The following SLC16A1 variants were observed in gnomAD, a reference collection of about 807,000 sequenced individuals.
SLC16A1 encodes the protein monocarboxylate transporter 1.
SLC16A1 carries 11 observed loss-of-function variants against 32.2 expected under a neutral mutation model. The ratio of observed to expected loss-of-function variants is 0.34; its 90% CI spans 0.21 to 0.56. The LOEUF (loss-of-function observed/expected upper bound fraction) is 0.56, where lower values mean the gene tolerates loss of function less well. Among genes scored for constraint, SLC16A1 ranks in the 20% least tolerant of loss-of-function variants. The pLI, the probability that SLC16A1 is intolerant of heterozygous loss-of-function variation, is 0.87. For missense variants in SLC16A1, 435 were observed against 615.0 expected (o/e 0.71, Z 3.10); for synonymous variants, 231 against 226.8 (o/e 1.02, Z -0.17).
chr1:112,919,008 T>C (rs1648615378), intron 3 of SLC16A1, among the ~76,000 whole-genome samples: 1 of 142,152 alleles, frequency 7.0e-6, no homozygotes, highest in Non-Finnish European at 1.5e-5. Context: ...ATGTACTAAT[T>C]TATTTTATTT....
intron 4 of SLC16A1, among the ~76,000 whole-genome samples, chr1:112,916,453 G>GC (rs1211658750): frequency 9.4e-5 from 13 of 138,722 alleles, no homozygotes; most frequent in African/African-American, 3.0e-4. Context: ...AGCCGAGATC[G>GC]CGCCATTGCA....
At chr1:112,947,935 T>A (rs898532710) in intron 1 of SLC16A1, among the ~76,000 whole-genome samples, 12 of 152,074 alleles carry the variant, frequency 7.9e-5, no homozygotes, top group Admixed American at 4.6e-4. Flanking sequence ...AGGAGAAAAA[T>A]TTGCTGGGTG....
Position 112,917,172 on chromosome 1 carries a change from C to G in SLC16A1, c.1228+6G>C. The G allele has an allele frequency of 6.2e-7, 1 of 1,614,136 alleles. No homozygotes were observed. The highest frequency in any genetic ancestry group is 8.5e-7 in the Non-Finnish European group (1 of 1,180,014). The stretch of plus-strand genomic sequence containing the variant: ...AGACCCACATTAGTAGGGAGATATA[C>G]TATACCTAAAAGTGGTGGCCCCAGG... On this transcript the variant is annotated splice_donor_region_variant and intron_variant, in intron 4 of 4. Coordinates refer to ENST00000369626, the MANE Select transcript of SLC16A1 (RefSeq NM_003051.4). The surrounding 1 kb of genome is among the most constrained non-coding windows in gnomAD (Gnocchi z 4.1).
chr1:112,948,478 T>C (rs555121015), intron 1 of SLC16A1, among the ~76,000 whole-genome samples: 2 of 152,304 alleles, frequency 1.3e-5, no homozygotes, highest in African/African-American at 4.8e-5. Flanking sequence ...CAATATATTT[T>C]TTTTTAGATG....
chr1:112,913,846 A>G lies in SLC16A1; in HGVS notation c.*45T>C. The G allele has an allele frequency of 6.2e-7, 1 of 1,611,430 alleles. No individual in the cohort carries two copies. Among genetic ancestry groups the G allele is most frequent in the Non-Finnish European group, 8.5e-7 (1 of 1,177,604 alleles). On this transcript the variant is annotated 3_prime_UTR_variant, in exon 5 of 5. Transcript: ENST00000369626. ...ACAGGCCAGTAGAATATTTTCAGATATCCTGGGTCATGAACTGCTCAATTT... is the reference window on the plus strand; with the variant it reads ...ACAGGCCAGTAGAATATTTTCAGATGTCCTGGGTCATGAACTGCTCAATTT...
At chr1:112,925,445 T>A (rs570899816) in intron 2 of SLC16A1, among the ~76,000 whole-genome samples, 1 of 151,918 alleles carries the variant, frequency 6.6e-6, no homozygotes, top group South Asian at 2.1e-4. Context: ...AGTGGTACTA[T>A]CAGGGTTCAC....
At chr1:112,921,118 G>A (rs1294632125) in intron 3 of SLC16A1, among the ~76,000 whole-genome samples, 2 of 148,448 alleles carry the variant, frequency 1.3e-5, no homozygotes, top group Non-Finnish European at 3.0e-5. Flanking sequence ...TCCAGCCTGG[G>A]AGACAGAGCG....
chr1:112,921,118 G>C (rs1294632125), intron 3 of SLC16A1, among the ~76,000 whole-genome samples: 1 of 148,448 alleles, frequency 6.7e-6, no homozygotes, highest in Non-Finnish European at 1.5e-5. Context: ...TCCAGCCTGG[G>C]AGACAGAGCG....
At chr1:112,952,783 G>A (rs1010316070) in intron 1 of SLC16A1, among the ~76,000 whole-genome samples, 6 of 152,154 alleles carry the variant, frequency 3.9e-5, no homozygotes. Flanking sequence ...AACAAAAACT[G>A]AAAACAACAG....
At chr1:112,925,533 C>T (rs780637641) in intron 2 of SLC16A1, among the ~76,000 whole-genome samples, 6 of 152,004 alleles carry the variant, frequency 3.9e-5, no homozygotes, top group Non-Finnish European at 7.4e-5. Context: ...TGCATGCCAC[C>T]GTGCCGGGCT....
rs761580375 is a variant in SLC16A1 at position 112,917,275 on chromosome 1, T to C, written c.1131A>G (p.Thr377=). The stretch of plus-strand genomic sequence containing the variant: ...TCTGGGGTCCAACAAGGTCCATCAA[T>C]GTTTCAAACAATACGGAGCTGAGCC... ...FGWLSSVLFE[T]LMDLVGPQRF... The change falls in exon 4 of 5, where the codon ACA becomes ACG. Residue 377 remains threonine (T), a synonymous_variant. Transcript: ENST00000369626. The surrounding 1 kb of genome is among the most constrained non-coding windows in gnomAD (Gnocchi z 4.1). 1.2e-6 allele frequency: 2 copies of C among 1,614,068 alleles called. No individual in the cohort carries two copies. Among genetic ancestry groups the C allele is most frequent in the African/African-American group, 2.7e-5 (2 of 74,916 alleles).
intron 1 of SLC16A1, among the ~76,000 whole-genome samples, chr1:112,941,278 CTTT>C (rs11362773): frequency 1.5e-4 from 17 of 111,530 alleles, no homozygotes; most frequent in African/African-American, 2.5e-4. Context: ...CTCTTCACAC[CTTT>C]TTTTTTTTTT....
At chr1:112,923,454 T>G in intron 2 of SLC16A1, 1 of 725,110 alleles carries the variant, frequency 1.4e-6, no homozygotes, top group East Asian at 2.7e-5. Context: ...TTGGGTGCCA[T>G]GGAGATGGGG....
At chr1:112,915,426 CAGG>C (rs770887079) in intron 4 of SLC16A1, among the ~76,000 whole-genome samples, 3 of 152,204 alleles carry the variant, frequency 2.0e-5, no homozygotes, top group East Asian at 3.9e-4. Context: ...GCACAGAGAG[CAGG>C]AGGCCAGTGG....
Position 112,945,542 on chromosome 1 carries a change from G to A in SLC16A1, c.-45+10493C>T, listed in dbSNP as rs147489132. 5.5e-3 allele frequency among the ~76,000 whole-genome samples: 842 copies of A among 151,792 alleles called. 10 individuals carry two copies. Among genetic ancestry groups the A allele is most frequent in the African/African-American group, 0.019 (794 of 41,412 alleles). ...ATATGAAAATTAGCTGGGCATGGTG[G>A]CGGGTGCCTGTAATCCCAGCTACTT... On this transcript the variant is annotated intron_variant, in intron 1 of 4. Transcript: ENST00000369626.
rs1379400124 is a variant in SLC16A1, at chr1:112,917,897, C to T, written c.509G>A (p.Gly170Asp). Residue 170 changes from glycine to aspartate, a missense_variant, in exon 4 of 5, where the codon GGT becomes GAT. By Grantham distance (94) the Gly-to-Asp change is moderately conservative (BLOSUM62 -1). Around this residue, in one of 2 missense-constraint regions of SLC16A1, gnomAD observed 324 missense variants for 500.3 expected, o/e 0.65. Coordinates refer to ENST00000369626, the MANE Select transcript of SLC16A1 (RefSeq NM_003051.4). This position sits in a 1 kb window ranked among gnomAD's most constrained non-coding sequence, Gnocchi z 4.1. ...TLAPLNQVFF[G>D]IFGWRGSFLI... The stretch of plus-strand genomic sequence containing the variant: ...AAAGCTTCCTCTCCATCCAAAGATA[C>T]CGAAGAAAACCTGATTGAGGGGGGC... 1.2e-6 allele frequency: 2 copies of T among 1,607,330 alleles called. No individual in the cohort carries two copies. The highest frequency in any genetic ancestry group is 1.3e-5 in the African/African-American group (1 of 74,350).
rs1414900751 is a variant in SLC16A1 at position 112,917,629 on chromosome 1, G to A, written c.777C>T (p.Thr259=). The part of the protein sequence containing the change: ...INQFLDLTLF[T]HRGFLLYLSG... Reference sequence around the variant, plus strand: ...AGAGGTATAGCAAAAAGCCTCTGTGGGTGAATAGGGTTAAGTCCAGGAACT... The same window carrying A: ...AGAGGTATAGCAAAAAGCCTCTGTGAGTGAATAGGGTTAAGTCCAGGAACT... Residue 259 remains threonine, a synonymous_variant, in exon 4 of 5, where the codon ACC becomes ACT. Coordinates refer to ENST00000369626, the MANE Select transcript of SLC16A1 (RefSeq NM_003051.4). This position sits in a 1 kb window ranked among gnomAD's most constrained non-coding sequence, Gnocchi z 4.1. 1 of 1,614,094 alleles carries A rather than the reference G, an allele frequency of 6.2e-7. No individual in the cohort carries two copies. The highest frequency in any genetic ancestry group is 8.5e-7 in the Non-Finnish European group (1 of 1,180,052).
At chr1:112,927,789 AC>A (rs1648992425) in intron 2 of SLC16A1, among the ~76,000 whole-genome samples, 1 of 152,246 alleles carries the variant, frequency 6.6e-6, no homozygotes, top group African/African-American at 2.4e-5. Flanking sequence ...GACATCACTT[AC>A]TTTTGATGCA....
intron 3 of SLC16A1, among the ~76,000 whole-genome samples, chr1:112,921,259 A>G (rs1413103062): frequency 1.3e-5 from 2 of 152,260 alleles, no homozygotes; most frequent in Non-Finnish European, 2.9e-5. Context: ...CAAAAGGGAT[A>G]ATCTTGGAAT....
Sources: allele counts gnomAD v4.1 joint callset (sites outside exome capture counted in the v4.1 genomes callset), GRCh38; gene constraint gnomAD v4.1.1; regional missense constraint gnomAD v4.1.1; non-coding constraint Gnocchi (gnomAD v3.1); transcripts MANE v1.5; gene names NCBI Gene and HGNC (gene_info 2026-07-23, HGNC 2026-07-21).